Variants in FANCD2 observed in about 807,000 individuals in gnomAD.
FANCD2 encodes Fanconi anemia group D2 protein.
In FANCD2, 131 loss-of-function variants were observed where a neutral mutation model predicts 192.3. That is an observed-to-expected ratio of 0.68 (90% CI 0.59 to 0.79). The LOEUF (loss-of-function observed/expected upper bound fraction) is 0.79. Ranked by LOEUF, FANCD2 falls within the 30% of genes least tolerant of loss-of-function variation. The pLI, the probability that FANCD2 is intolerant of heterozygous loss-of-function variation, is 0.00. For synonymous variants in FANCD2, 524 were observed against 612.5 expected (o/e 0.86, Z 2.13); for missense variants, 1,508 against 1,701.6 (o/e 0.89, Z 2.00).
intron 23 of FANCD2, 65 bp from the exon 24 acceptor site, chr3:10,065,305 TTCCCTATGTATGTGGAGTAATATC>T: frequency 2.2e-6 from 2 of 910,396 alleles, no homozygotes; most frequent in South Asian, 2.6e-5. Context: ...AGAAGTTGTG[TTCCCTATGTATGTGGAGTAATATC>T]TCCCTATGTA....
intron 15 of FANCD2, among the ~76,000 whole-genome samples, chr3:10,047,526 T>C (rs2087057604): frequency 6.6e-6 from 1 of 152,294 alleles, no homozygotes; most frequent in Non-Finnish European, 1.5e-5. Flanking sequence ...AAAAATCAGC[T>C]TAGTTAGCAT....
intron 1 of FANCD2, among the ~76,000 whole-genome samples, chr3:10,028,269 T>A (rs1174770123): frequency 6.6e-6 from 1 of 152,104 alleles, no homozygotes; most frequent in Non-Finnish European, 1.5e-5. Flanking sequence ...TAGTTCACAG[T>A]TGTAACCCCA....
chr3:10,096,466 C>T lies in FANCD2; in HGVS notation c.4179C>T (p.Asp1393=). The change falls in exon 42 of 44, where the codon GAC becomes GAT. Residue 1393 remains aspartate, a synonymous_variant. Coordinates refer to ENST00000675286, the MANE Select transcript of FANCD2 (RefSeq NM_001018115.3). ...AFWLGNLKNR[D]LQGEEIKSQN... ...GGCTGGGCAATCTAAAAAACCGGGA[C>T]TTGCAGGTAAGCCTTGGATCCTGCT... 6.2e-7 allele frequency: 1 copy of T among 1,614,078 alleles called. No individual in the cohort carries two copies. The highest frequency in any genetic ancestry group is 8.5e-7 in the Non-Finnish European group (1 of 1,179,962).
At position 10,041,638 on chromosome 3, in the gene FANCD2, G is replaced by A; in HGVS notation, c.711G>A (p.Glu237=). Residue 237 remains glutamate, a synonymous_variant, in exon 10 of 44, where the codon GAG becomes GAA. Coordinates refer to ENST00000675286, the MANE Select transcript of FANCD2 (RefSeq NM_001018115.3). ...CCATTCACAGTGACCTACTGATAGAGAATACTTCACTCACTGTCCCAATCC... is the reference window on the plus strand; with the variant it reads ...CCATTCACAGTGACCTACTGATAGAAAATACTTCACTCACTGTCCCAATCC... ...VGKELSDLLI[E]NTSLTVPILD... is the part of the protein sequence containing the mutation. 6.2e-7 allele frequency: 1 copy of A among 1,613,188 alleles called. No homozygotes were observed. The highest frequency in any genetic ancestry group is 8.5e-7 in the Non-Finnish European group (1 of 1,179,318).
chr3:10,082,399 A>C (rs574867377), intron 32 of FANCD2, among the ~76,000 whole-genome samples: 4 of 152,242 alleles, frequency 2.6e-5, no homozygotes, highest in Admixed American at 1.3e-4. Context: ...TCCATTCTTC[A>C]CATGGCAGTA....
At chr3:10,095,618 C>G (rs1259776944) in intron 41 of FANCD2, among the ~76,000 whole-genome samples, 2 of 152,176 alleles carry the variant, frequency 1.3e-5, no homozygotes, top group African/African-American at 4.8e-5. Flanking sequence ...GGAGGTGGCT[C>G]TAAAGCAGCC....
At chr3:10,042,973 G>A in intron 11 of FANCD2, 77 bp from the exon 12 acceptor site, 1 of 1,267,710 alleles carries the variant, frequency 7.9e-7, no homozygotes, top group Non-Finnish European at 1.2e-6. Context: ...TCAGGAGATT[G>A]TCATGGTAGA....
intron 18 of FANCD2, among the ~76,000 whole-genome samples, chr3:10,054,112 G>A (rs9835189): frequency 0.045 from 6,879 of 151,490 alleles, 518 homozygotes; most frequent in African/African-American, 0.16. Context: ...CTCAGGAGGC[G>A]GAGGTGGGAG....
intron 41 of FANCD2, among the ~76,000 whole-genome samples, 160 bp from the exon 42 acceptor site, chr3:10,096,166 C>T (rs1302215977): frequency 6.6e-6 from 1 of 152,186 alleles, no homozygotes; most frequent in Non-Finnish European, 1.5e-5. Flanking sequence ...CTGCCATTCT[C>T]TTTGGATTAC....
In FANCD2 at chr3:10,085,799, T is replaced by C. The variant is rs996065278; in HGVS notation, c.3225-13T>C. The C allele has an allele frequency of 6.9e-6, 11 of 1,584,000 alleles. No homozygotes were observed. Among genetic ancestry groups the C allele is most frequent in the African/African-American group, 5.4e-5 (4 of 74,368 alleles). Reference sequence around the variant, plus strand: ...AGAAACTAAGCTAACCCCTCTTACCTTGACTTCCTTAGGAGTGGATTTTCT... The same window carrying C: ...AGAAACTAAGCTAACCCCTCTTACCCTGACTTCCTTAGGAGTGGATTTTCT... On this transcript the variant is annotated splice_polypyrimidine_tract_variant and intron_variant, in intron 32 of 43. Transcript: ENST00000675286.
At chr3:10,092,431 A>ATT (rs35070534) in intron 38 of FANCD2, among the ~76,000 whole-genome samples, 179 bp downstream of exon 38, 20 of 144,884 alleles carry the variant, frequency 1.4e-4, no homozygotes, top group African/African-American at 4.0e-4. Flanking sequence ...CTCACTAGGC[A>ATT]TTTTTTTTTT....
At chr3:10,082,147 A>G (rs1000992041) in intron 32 of FANCD2, among the ~76,000 whole-genome samples, 1 of 152,200 alleles carries the variant, frequency 6.6e-6, no homozygotes, top group Non-Finnish European at 1.5e-5. Flanking sequence ...ATGCTCCTTC[A>G]GCTTTGCCTG....
Position 10,026,442 on chromosome 3 carries a change from A to G in FANCD2, c.-65A>G. On this transcript the variant is annotated 5_prime_UTR_variant, in exon 1 of 44. Transcript: ENST00000675286. The stretch of plus-strand genomic sequence containing the variant: ...AGAGCGGCGTCGGGCCTGGCGGGAA[A>G]GTCGAAAACTACGGGCGGCGACGGC... 1 of 432,804 alleles carries G rather than the reference A, an allele frequency of 2.3e-6. No homozygotes were observed. Among genetic ancestry groups the G allele is most frequent in the Non-Finnish European group, 3.1e-6 (1 of 318,144 alleles). The allele number at this position is 432,804 out of a possible 1,614,324, so 26.8% of individuals were successfully genotyped here. A position where few individuals can be genotyped will look rare whatever the true frequency, so the allele number is the denominator to read the frequency against.
In FANCD2 at chr3:10,035,184, C is replaced by A; in HGVS notation, c.389C>A (p.Ser130Tyr). The change falls in exon 6 of 44, where the codon TCT (serine) becomes TAT (tyrosine). Residue 130 changes from serine (S) to tyrosine (Y), a missense_variant. By Grantham distance (144) the Ser-to-Tyr change is moderately radical. Around this residue, in one of 5 missense-constraint regions of FANCD2, gnomAD observed 435 missense variants for 421.9 expected, o/e 1.03. Transcript: ENST00000675286. Reference sequence around the variant, plus strand: ...TTTTTTTTTTACAGTATGGGTGCATCTTATTCTAAGAGTCTCATCAAACTG... The same window carrying A: ...TTTTTTTTTTACAGTATGGGTGCATATTATTCTAAGAGTCTCATCAAACTG... ...LQDEEASMGA[S>Y]YSKSLIKLLL... is the part of the protein sequence containing the mutation. 1 of 1,612,890 alleles carries A rather than the reference C, an allele frequency of 6.2e-7. No homozygotes were observed.
intron 17 of FANCD2, among the ~76,000 whole-genome samples, chr3:10,050,004 G>GAT: frequency 6.6e-6 from 1 of 152,268 alleles, no homozygotes; most frequent in South Asian, 2.1e-4. Flanking sequence ...TGGAGAATAG[G>GAT]ATATATATGG....
At chr3:10,100,044 C>T (rs1188552750) in intron 43 of FANCD2, among the ~76,000 whole-genome samples, 2 of 152,000 alleles carry the variant, frequency 1.3e-5, no homozygotes, top group Non-Finnish European at 2.9e-5. Flanking sequence ...TTGAGCTAGC[C>T]AGGCATGGTG....
rs764865805 is a variant in FANCD2, at chr3:10,098,936, C to T, written c.4281+121C>T. On this transcript the variant is annotated intron_variant, in intron 43 of 43. Coordinates refer to ENST00000675286, the MANE Select transcript of FANCD2 (RefSeq NM_001018115.3). ...TTGTCAAATGCTTCTATGCCCATTT[C>T]CATTCCCTCCATAACAGCTTCTGTG... The T allele has an allele frequency of 4.3e-6, 7 of 1,614,202 alleles. No individual in the cohort carries two copies. The East Asian group carries it at 8.9e-5, about 21-fold the overall frequency.
At position 10,045,088 on chromosome 3, in the gene FANCD2, G is replaced by GTTTTTTTTTTTT. The variant is rs76340293; in HGVS notation, c.1134+1226_1134+1237dup. On this transcript the variant is annotated intron_variant, in intron 14 of 43. Coordinates refer to ENST00000675286, the MANE Select transcript of FANCD2 (RefSeq NM_001018115.3). ...GTTTGTCCTGCTTGCCTTTTTAACT[G>GTTTTTTTTTTTT]TTTTTTTTTTTTTCCTGGAAGCATA... Among the ~76,000 whole-genome samples the GTTTTTTTTTTTT allele has an allele frequency of 2.2e-3, 288 of 128,744 alleles. 5 individuals are homozygous for GTTTTTTTTTTTT. The highest frequency in any genetic ancestry group is 4.3e-3 in the African/African-American group (129 of 30,240). 84.5% of individuals were successfully genotyped at this position (128,744 alleles called of 152,430 possible).
At chr3:10,078,558 G>T (rs1467968418) in intron 30 of FANCD2, among the ~76,000 whole-genome samples, 2 of 151,876 alleles carry the variant, frequency 1.3e-5, no homozygotes, top group Admixed American at 6.5e-5. Flanking sequence ...GTTTCACCGT[G>T]TTAGCCAGGA....
Sources: gnomAD v4.1 joint callset for allele counts (sites outside exome capture counted in the v4.1 genomes callset) on GRCh38, gnomAD v4.1.1 for gene constraint, gnomAD v4.1.1 regional missense constraint, MANE v1.5 for transcripts, NCBI Gene and HGNC (gene_info 2026-07-23, HGNC 2026-07-21) for gene names.